The following RIMS1 variants were observed in gnomAD, a reference collection of about 807,000 sequenced individuals.
The protein encoded by RIMS1 is regulating synaptic membrane exocytosis protein 1.
In RIMS1, 83 loss-of-function variants were observed where a neutral mutation model predicts 214.1. That is an observed-to-expected ratio of 0.39 (90% CI 0.32 to 0.47). The LOEUF is 0.47. Among genes scored for constraint, RIMS1 ranks in the 20% least tolerant of loss-of-function variants. The probability of loss-of-function intolerance (pLI) is 0.99; values close to 1 mark genes in which losing one functional copy is unlikely to be tolerated. For missense variants in RIMS1, 2,050 were observed against 2,161.8 expected (o/e 0.95, Z 1.03); for synonymous variants, 793 against 786.8 (o/e 1.01, Z -0.13).
intron 4 of RIMS1, among the ~76,000 whole-genome samples, chr6:72,147,558 T>A (rs950727884): frequency 6.6e-6 from 1 of 152,158 alleles, no homozygotes; most frequent in Non-Finnish European, 1.5e-5. Flanking sequence ...TCCCAGGCTA[T>A]CAAAAGCTAT....
chr6:71,955,359 G>C (rs1409349339), intron 1 of RIMS1, among the ~76,000 whole-genome samples: 1 of 152,002 alleles, frequency 6.6e-6, no homozygotes, highest in African/African-American at 2.4e-5. Flanking sequence ...TAGAAACGGG[G>C]TTTCACCATC....
In RIMS1 at chr6:72,384,082, G is replaced by A. The variant is rs149706274; in HGVS notation, c.4367-6516G>A. Among the ~76,000 whole-genome samples the A allele has an allele frequency of 3.3e-5, 5 of 152,232 alleles. No homozygotes were observed. In the East Asian group the frequency reaches 9.6e-4, roughly 29 times the overall value. ...AGAGACTGCTTTGGCCTCAGAGACT[G>A]CTTTGATTGGAAGATGATTTATCTG... On this transcript the variant is annotated intron_variant, in intron 29 of 33. Coordinates refer to ENST00000521978, the MANE Select transcript of RIMS1 (RefSeq NM_014989.7).
intron 1 of RIMS1, among the ~76,000 whole-genome samples, chr6:71,940,469 C>A (rs796839516): frequency 1.3e-5 from 2 of 152,192 alleles, no homozygotes; most frequent in African/African-American, 2.4e-5. Flanking sequence ...TGGAATGGGT[C>A]AAAGAGAGTG....
intron 2 of RIMS1, among the ~76,000 whole-genome samples, chr6:72,003,950 T>C (rs969150399): frequency 8.9e-4 from 135 of 151,114 alleles, no homozygotes; most frequent in African/African-American, 3.1e-3. Flanking sequence ...ACATGTGCCA[T>C]GCTGGTGTGC....
chr6:72,377,010 T>C (rs2098401818), intron 29 of RIMS1, among the ~76,000 whole-genome samples: 1 of 152,198 alleles, frequency 6.6e-6, no homozygotes, highest in African/African-American at 2.4e-5. Context: ...CATTCATATA[T>C]GCCATTTAAA....
chr6:72,242,325 C>A lies in RIMS1; in HGVS notation c.1969C>A (p.Leu657Ile). The change falls in exon 10 of 34, where the codon CTA becomes ATA. Residue 657 changes from leucine (L) to isoleucine (I), a missense_variant. Coordinates refer to ENST00000521978, the MANE Select transcript of RIMS1 (RefSeq NM_014989.7). ...TTTTTAAATTCAAGGGGATGAAGTTCTAGAATGGAATGGTAAACCCCTGCC... is the reference window on the plus strand; with the variant it reads ...TTTTTAAATTCAAGGGGATGAAGTTATAGAATGGAATGGTAAACCCCTGCC... ...VGHLRAGDEV[L>I]EWNGKPLPGA... The A allele has an allele frequency of 6.4e-7, 1 of 1,560,544 alleles. No homozygotes were observed. Among genetic ancestry groups the A allele is most frequent in the Non-Finnish European group, 8.7e-7 (1 of 1,150,090 alleles).
At chr6:71,927,081 A>G (rs1181151650) in intron 1 of RIMS1, among the ~76,000 whole-genome samples, 1 of 152,172 alleles carries the variant, frequency 6.6e-6, no homozygotes, top group African/African-American at 2.4e-5. Context: ...GATTAGAGGT[A>G]CAGAAAGAAG....
At position 72,213,286 on chromosome 6, in the gene RIMS1, A is replaced by G. The variant is rs961416132; in HGVS notation, c.1679-20487A>G. 3.7e-6 allele frequency: 5 copies of G among 1,342,956 alleles called. No individual in the cohort carries two copies. The African/African-American group carries it at 7.3e-5, about 20-fold the overall frequency. 83.2% of individuals were successfully genotyped at this position (1,342,956 alleles called of 1,614,324 possible). A position where few individuals can be genotyped will look rare whatever the true frequency, so the allele number is the denominator to read the frequency against. ...CCAGTTGTACCTAAATCTATATTTA[A>G]CACTCCCTCTGTATCTATTTTCCAG... On this transcript the variant is annotated intron_variant, in intron 6 of 33. Coordinates refer to ENST00000521978, the MANE Select transcript of RIMS1 (RefSeq NM_014989.7).
At chr6:72,025,351 G>A (rs1251694292) in intron 2 of RIMS1, among the ~76,000 whole-genome samples, 1 of 152,218 alleles carries the variant, frequency 6.6e-6, no homozygotes, top group East Asian at 1.9e-4. Context: ...GTGTGAAGAA[G>A]TGAAGGGATT....
chr6:72,059,249 C>A (rs1827186639), intron 2 of RIMS1, among the ~76,000 whole-genome samples: 1 of 152,118 alleles, frequency 6.6e-6, no homozygotes, highest in Admixed American at 6.5e-5. Flanking sequence ...TTTTTTGAGA[C>A]AGGCTCTCGC....
chr6:72,218,829 C>G (rs1258012604), intron 6 of RIMS1, among the ~76,000 whole-genome samples: 3 of 152,134 alleles, frequency 2.0e-5, no homozygotes, highest in Non-Finnish European at 4.4e-5. Flanking sequence ...ATTATAGTCT[C>G]TACACATATA....
chr6:71,925,730 AT>A (rs34819948), intron 1 of RIMS1, among the ~76,000 whole-genome samples: 1 of 152,216 alleles, frequency 6.6e-6, no homozygotes, highest in Non-Finnish European at 1.5e-5. Context: ...GCAGAATCTA[AT>A]TTGAATAAAG....
chr6:72,255,737 C>A (rs1325520919), intron 16 of RIMS1, among the ~76,000 whole-genome samples: 1 of 151,932 alleles, frequency 6.6e-6, no homozygotes, highest in Non-Finnish European at 1.5e-5. Flanking sequence ...CTGGGATTAC[C>A]ATAAAATAGT....
At chr6:72,276,899 A>G (rs1004522733) in intron 23 of RIMS1, among the ~76,000 whole-genome samples, 2 of 152,210 alleles carry the variant, frequency 1.3e-5, no homozygotes, top group Non-Finnish European at 2.9e-5. Flanking sequence ...TAAATATGGC[A>G]TCAGATTTGG....
At chr6:72,400,266 G>A (rs1325398067) in intron 33 of RIMS1, among the ~76,000 whole-genome samples, 1 of 152,104 alleles carries the variant, frequency 6.6e-6, no homozygotes, top group East Asian at 1.9e-4. Flanking sequence ...TCATTGACTA[G>A]GAACACACAA....
At chr6:72,026,740 A>G (rs1816637953) in intron 2 of RIMS1, among the ~76,000 whole-genome samples, 1 of 152,048 alleles carries the variant, frequency 6.6e-6, no homozygotes, top group Non-Finnish European at 1.5e-5. Flanking sequence ...CAAAAAATTA[A>G]ATAGTATTTT....
At chr6:72,146,735 G>A (rs2042810023) in intron 4 of RIMS1, among the ~76,000 whole-genome samples, 1 of 152,030 alleles carries the variant, frequency 6.6e-6, no homozygotes, top group Non-Finnish European at 1.5e-5. Flanking sequence ...CTCTAACCTA[G>A]ACAAAAATTT....
At chr6:72,398,633 A>G (rs958168886) in intron 32 of RIMS1, among the ~76,000 whole-genome samples, 1 of 105,816 alleles carries the variant, frequency 9.5e-6, no homozygotes, top group African/African-American at 2.6e-5. Flanking sequence ...ACACTTAGAA[A>G]GGCAAAAGAA....
At chr6:71,958,481 T>G (rs1206717490) in intron 1 of RIMS1, among the ~76,000 whole-genome samples, 1 of 152,114 alleles carries the variant, frequency 6.6e-6, no homozygotes, top group African/African-American at 2.4e-5. Flanking sequence ...TGGAGTTCAT[T>G]ACATTTGAGT....
Sources: allele counts gnomAD v4.1 joint callset (sites outside exome capture counted in the v4.1 genomes callset), GRCh38; gene constraint gnomAD v4.1.1; transcripts MANE v1.5; gene names NCBI Gene and HGNC (gene_info 2026-07-23, HGNC 2026-07-21).